Variants in NPAS3 observed in about 807,000 individuals in gnomAD.
NPAS3 encodes the protein neuronal PAS domain protein 3, also known as neuronal PAS domain-containing protein 3.
In NPAS3, 14 loss-of-function variants were observed where a neutral mutation model predicts 73.1. The ratio of observed to expected loss-of-function variants is 0.19; its 90% CI spans 0.13 to 0.30. NPAS3 has a LOEUF of 0.30. Ranked by LOEUF, NPAS3 falls within the 10% of genes least tolerant of loss-of-function variation. The probability of loss-of-function intolerance (pLI) is 1.00; values close to 1 mark genes in which losing one functional copy is unlikely to be tolerated. For missense variants in NPAS3, 1,096 were observed against 1,250.0 expected (o/e 0.88, Z 1.86); for synonymous variants, 620 against 541.5 (o/e 1.14, Z -2.01).
intron 1 of NPAS3, among the ~76,000 whole-genome samples, chr14:33,025,172 A>G (rs1485493508): frequency 6.6e-6 from 1 of 152,214 alleles, no homozygotes; most frequent in Non-Finnish European, 1.5e-5. Context: ...AGAAAGTAGA[A>G]GGCAGCTGGC....
intron 5 of NPAS3, among the ~76,000 whole-genome samples, chr14:33,565,573 C>G (rs931911631): frequency 6.6e-6 from 1 of 151,998 alleles, no homozygotes; most frequent in Admixed American, 6.6e-5. Context: ...GTGGCTAATA[C>G]TCTTACTTCC....
intron 2 of NPAS3, among the ~76,000 whole-genome samples, chr14:33,116,462 CA>C (rs1468934376): frequency 2.0e-5 from 3 of 152,044 alleles, no homozygotes; most frequent in Admixed American, 6.6e-5. Context: ...AACCTCCTTC[CA>C]AGTTATTTAT....
At chr14:33,155,516 G>T (rs528332160) in intron 2 of NPAS3, among the ~76,000 whole-genome samples, 1 of 152,108 alleles carries the variant, frequency 6.6e-6, no homozygotes, top group Non-Finnish European at 1.5e-5. Flanking sequence ...TCAGTTTCCT[G>T]AGTAGTCAAG....
At chr14:33,052,455 T>C (rs10143942) in intron 1 of NPAS3, among the ~76,000 whole-genome samples, 3,343 of 152,238 alleles carry the variant, frequency 0.022, 126 homozygotes, top group African/African-American at 0.076. Flanking sequence ...AAATATTAGA[T>C]ATACTCATCC....
intron 4 of NPAS3, among the ~76,000 whole-genome samples, chr14:33,370,236 G>A (rs759856068): frequency 6.6e-6 from 1 of 152,076 alleles, no homozygotes; most frequent in Admixed American, 6.6e-5. Context: ...TATCACACAG[G>A]TCAAGTACTA....
intron 3 of NPAS3, among the ~76,000 whole-genome samples, chr14:33,279,112 G>C (rs2041470930): frequency 6.6e-6 from 1 of 152,094 alleles, no homozygotes; most frequent in South Asian, 2.1e-4. Context: ...CCACCCTCAG[G>C]GTTGCTGATT....
At chr14:33,595,549 A>G (rs1046789395) in intron 5 of NPAS3, among the ~76,000 whole-genome samples, 2 of 152,216 alleles carry the variant, frequency 1.3e-5, no homozygotes, top group Non-Finnish European at 2.9e-5. Flanking sequence ...TGCATGTAAA[A>G]TTTTTAAATT....
chr14:33,378,517 TCCCAG>T (rs2046400213), intron 4 of NPAS3, among the ~76,000 whole-genome samples: 1 of 152,166 alleles, frequency 6.6e-6, no homozygotes, highest in Non-Finnish European at 1.5e-5. Context: ...GTGCTTGTAA[TCCCAG>T]CCACTCGGGA....
chr14:33,198,452 C>T (rs765590053), intron 2 of NPAS3, among the ~76,000 whole-genome samples: 1 of 152,120 alleles, frequency 6.6e-6, no homozygotes, highest in Non-Finnish European at 1.5e-5. Flanking sequence ...GGTGCATTTA[C>T]AATCCTGTAG....
intron 1 of NPAS3, among the ~76,000 whole-genome samples, chr14:32,954,572 C>T (rs1371777924): frequency 3.9e-5 from 6 of 152,072 alleles, no homozygotes; most frequent in African/African-American, 7.2e-5. Context: ...TTCATTCTTT[C>T]TTCTGGGGCC....
chr14:33,405,423 C>T (rs2047623347), intron 4 of NPAS3, among the ~76,000 whole-genome samples: 1 of 152,040 alleles, frequency 6.6e-6, no homozygotes, highest in East Asian at 1.9e-4. Flanking sequence ...AAGAGCATTT[C>T]CTTCTCCCAT....
chr14:33,742,099 T>C (rs1309218931), intron 7 of NPAS3, among the ~76,000 whole-genome samples: 1 of 152,210 alleles, frequency 6.6e-6, no homozygotes, highest in Non-Finnish European at 1.5e-5. Context: ...ATCACTATTA[T>C]GAGACTTTGG....
At chr14:33,561,593 G>A (rs2055652530) in intron 5 of NPAS3, among the ~76,000 whole-genome samples, 1 of 152,158 alleles carries the variant, frequency 6.6e-6, no homozygotes, top group African/African-American at 2.4e-5. Context: ...CAGACTTTAA[G>A]CCTTGTCTTA....
intron 7 of NPAS3, among the ~76,000 whole-genome samples, chr14:33,766,950 A>G (rs2062482442): frequency 6.6e-6 from 1 of 152,166 alleles, no homozygotes; most frequent in South Asian, 2.1e-4. Flanking sequence ...TTTTAGTTGT[A>G]AAGTCAGTTT....
At chr14:33,549,826 T>G (rs1366690471) in intron 4 of NPAS3, among the ~76,000 whole-genome samples, 2 of 152,200 alleles carry the variant, frequency 1.3e-5, no homozygotes, top group East Asian at 3.9e-4. Flanking sequence ...TCATTGAGAT[T>G]TCGGTGTAAT....
intron 2 of NPAS3, among the ~76,000 whole-genome samples, chr14:33,193,376 T>A (rs17100359): frequency 0.36 from 54,576 of 151,906 alleles, 10,365 homozygotes; most frequent in East Asian, 0.52. Flanking sequence ...AGTGATTATC[T>A]TAGAAAGAAG....
intron 4 of NPAS3, among the ~76,000 whole-genome samples, chr14:33,547,367 A>G (rs947883050): frequency 1.8e-4 from 28 of 152,216 alleles, no homozygotes; most frequent in Non-Finnish European, 8.8e-5. Flanking sequence ...TCTATCCCCA[A>G]TATTCAACCC....
At chr14:33,765,828 T>G (rs2062445616) in intron 7 of NPAS3, among the ~76,000 whole-genome samples, 1 of 152,154 alleles carries the variant, frequency 6.6e-6, no homozygotes, top group African/African-American at 2.4e-5. Flanking sequence ...CCAGCCACTG[T>G]CATACAGGGC....
At chr14:33,008,498 A>C (rs2039077725) in intron 1 of NPAS3, among the ~76,000 whole-genome samples, 1 of 152,220 alleles carries the variant, frequency 6.6e-6, no homozygotes. Context: ...TAGGAGTGTT[A>C]GTCAAAGGTC....
Sources: allele counts gnomAD v4.1 joint callset (sites outside exome capture counted in the v4.1 genomes callset), GRCh38; gene constraint gnomAD v4.1.1; transcripts MANE v1.5; gene names NCBI Gene and HGNC (gene_info 2026-07-23, HGNC 2026-07-21).